Variants in TSHR observed in about 807,000 individuals in gnomAD.
TSHR encodes thyroid stimulating hormone receptor, also known as thyrotropin receptor.
A neutral mutation model predicts 64.1 loss-of-function variants in TSHR; 51 were observed. The observed-to-expected ratio is 0.80, with a 90% confidence interval of 0.64 to 1.01. The LOEUF is 1.01. Among genes scored for constraint, TSHR ranks in the 50% least tolerant of loss-of-function variants. The pLI is 0.00. For synonymous variants in TSHR, 361 were observed against 361.9 expected (o/e 1.00, Z 0.03); for missense variants, 877 against 942.8 (o/e 0.93, Z 0.91).
At chr14:81,043,951 AC>A (rs1885043419) in intron 1 of TSHR, among the ~76,000 whole-genome samples, 1 of 152,238 alleles carries the variant, frequency 6.6e-6, no homozygotes, top group Non-Finnish European at 1.5e-5. Context: ...TGGATTAAAG[AC>A]TTAAATGTAA....
At chr14:81,005,728 C>T (rs569704425) in intron 1 of TSHR, among the ~76,000 whole-genome samples, 1 of 152,196 alleles carries the variant, frequency 6.6e-6, no homozygotes. Flanking sequence ...TTCTTGGAAC[C>T]GCGGAGCTAC....
At chr14:81,114,908 C>T (rs991696379) in intron 8 of TSHR, among the ~76,000 whole-genome samples, 4 of 152,194 alleles carry the variant, frequency 2.6e-5, no homozygotes, top group Non-Finnish European at 4.4e-5. Context: ...AGGCACCCCC[C>T]AGCAGGGGCA....
chr14:80,982,085 G>A (rs1379132636), intron 1 of TSHR: 2 of 529,706 alleles, frequency 3.8e-6, no homozygotes, highest in African/African-American at 3.8e-5. Flanking sequence ...CTACGGGTGT[G>A]GTTAGGCCTG....
chr14:80,987,040 A>G (rs1888493062), intron 1 of TSHR, among the ~76,000 whole-genome samples: 1 of 152,210 alleles, frequency 6.6e-6, no homozygotes, highest in South Asian at 2.1e-4. Context: ...TTCATGCACT[A>G]TCGACCCTTC....
chr14:81,037,934 C>CAA (rs561276007), intron 1 of TSHR, among the ~76,000 whole-genome samples: 1 of 142,478 alleles, frequency 7.0e-6, no homozygotes, highest in Non-Finnish European at 1.5e-5. Context: ...TGAAAATCAG[C>CAA]AAAAAAAAAA....
intron 3 of TSHR, among the ~76,000 whole-genome samples, chr14:81,073,382 T>A (rs1010747431): frequency 1.3e-5 from 2 of 152,096 alleles, no homozygotes; most frequent in East Asian, 3.8e-4. Flanking sequence ...TTGATCATAT[T>A]GGCTTATAAA....
rs144127515 is a variant in TSHR at position 81,042,692 on chromosome 14, T to C, written c.171-19456T>C. The stretch of plus-strand genomic sequence containing the variant: ...TAGTCAATGGGTACAAAGTTACAGT[T>C]AGATAAGAGAAATAAGTTCTGTGTT... On this transcript the variant is annotated intron_variant, in intron 1 of 9. Coordinates refer to ENST00000298171, the MANE Select transcript of TSHR (RefSeq NM_000369.5). Among the ~76,000 whole-genome samples the C allele has an allele frequency of 2.8e-3, 421 of 152,154 alleles. 2 individuals are homozygous for C. The highest frequency in any genetic ancestry group is 0.017 in the Middle Eastern group (5 of 294).
At chr14:81,060,324 G>A (rs1886144489) in intron 1 of TSHR, among the ~76,000 whole-genome samples, 1 of 152,104 alleles carries the variant, frequency 6.6e-6, no homozygotes, top group African/African-American at 2.4e-5. Flanking sequence ...AGAGATTTTG[G>A]TAGAATGACT....
At chr14:81,120,320 A>T (rs1890736562) in intron 8 of TSHR, among the ~76,000 whole-genome samples, 1 of 152,202 alleles carries the variant, frequency 6.6e-6, no homozygotes, top group African/African-American at 2.4e-5. Context: ...TCCAAGAACC[A>T]GCAGACCTTC....
intron 1 of TSHR, among the ~76,000 whole-genome samples, chr14:81,034,283 A>G (rs1319505045): frequency 6.6e-6 from 1 of 152,220 alleles, no homozygotes; most frequent in Non-Finnish European, 1.5e-5. Flanking sequence ...TGAGAAGTCT[A>G]TTCAAGGATT....
intron 1 of TSHR, among the ~76,000 whole-genome samples, chr14:80,977,740 A>G (rs924924445): frequency 2.0e-5 from 3 of 152,218 alleles, no homozygotes; most frequent in Middle Eastern, 3.2e-3. Flanking sequence ...CTCAGGCCCT[A>G]TTCCAAGTTG....
At chr14:80,961,535 G>A (rs924171709) in intron 1 of TSHR, among the ~76,000 whole-genome samples, 1 of 152,144 alleles carries the variant, frequency 6.6e-6, no homozygotes, top group Non-Finnish European at 1.5e-5. Context: ...GAAAGCTGAA[G>A]GGGTTTGATT....
At chr14:81,021,501 A>T (rs1042935524) in intron 1 of TSHR, among the ~76,000 whole-genome samples, 10 of 152,212 alleles carry the variant, frequency 6.6e-5, no homozygotes, top group African/African-American at 2.4e-4. Context: ...AAGGCATAAG[A>T]AAGAGAAGAG....
chr14:81,024,031 C>G (rs1324760247), intron 1 of TSHR, among the ~76,000 whole-genome samples: 1 of 152,068 alleles, frequency 6.6e-6, no homozygotes, highest in Non-Finnish European at 1.5e-5. Flanking sequence ...CTTAATGGTG[C>G]CTGGGAACTC....
At chr14:81,088,986 C>CTT (rs60086198) in intron 4 of TSHR, among the ~76,000 whole-genome samples, 1 of 125,708 alleles carries the variant, frequency 8.0e-6, no homozygotes, top group Non-Finnish European at 1.7e-5. Flanking sequence ...AAAATAGTTG[C>CTT]TTTTTTTTTT....
intron 2 of TSHR, among the ~76,000 whole-genome samples, chr14:81,063,561 C>T (rs1309570658): frequency 2.6e-5 from 4 of 152,166 alleles, no homozygotes; most frequent in Non-Finnish European, 5.9e-5. Flanking sequence ...TCTCCTTTAG[C>T]TCTTCCTTTT....
chr14:80,955,897 T>C, intron 1 of TSHR, 47 bp downstream of exon 1: 1 of 1,613,216 alleles, frequency 6.2e-7, no homozygotes, highest in East Asian at 2.2e-5. Context: ...ATCAAGGGCA[T>C]CTGCAGAGGT....
intron 8 of TSHR, among the ~76,000 whole-genome samples, chr14:81,114,907 C>T (rs958618378): frequency 4.6e-5 from 7 of 152,188 alleles, no homozygotes; most frequent in African/African-American, 1.7e-4. Context: ...GAGGCACCCC[C>T]CAGCAGGGGC....
At chr14:81,004,825 CAT>C (rs1048670724) in intron 1 of TSHR, among the ~76,000 whole-genome samples, 4 of 152,296 alleles carry the variant, frequency 2.6e-5, no homozygotes, top group African/African-American at 7.2e-5. Flanking sequence ...CAAGGAAAAA[CAT>C]ATGTATGAGC....
Sources: gnomAD v4.1 joint callset for allele counts (sites outside exome capture counted in the v4.1 genomes callset) on GRCh38, gnomAD v4.1.1 for gene constraint, MANE v1.5 for transcripts, NCBI Gene and HGNC (gene_info 2026-07-23, HGNC 2026-07-21) for gene names.